ACTG1: variants seen among roughly 807,000 people sequenced by gnomAD.
ACTG1 encodes the protein actin gamma 1.
ACTG1 carries 14 observed loss-of-function variants against 34.3 expected under a neutral mutation model. The ratio of observed to expected loss-of-function variants is 0.41; its 90% CI spans 0.27 to 0.64. The LOEUF (loss-of-function observed/expected upper bound fraction) is 0.64, where lower values mean the gene tolerates loss of function less well. Among genes scored for constraint, ACTG1 ranks in the 30% least tolerant of loss-of-function variants. The probability of loss-of-function intolerance (pLI) is 0.33; values close to 1 mark genes in which losing one functional copy is unlikely to be tolerated. For synonymous variants in ACTG1, 422 were observed against 213.9 expected (o/e 1.97, Z -8.49); for missense variants, 233 against 529.5 (o/e 0.44, Z 5.50).
rs2031693942 is a variant in ACTG1 at position 81,510,520 on chromosome 17, A to C, written c.*170T>G. On this transcript the variant is annotated 3_prime_UTR_variant, in exon 6 of 6. Coordinates refer to ENST00000573283, the MANE Select transcript of ACTG1 (RefSeq NM_001614.5). Reference sequence around the variant, plus strand: ...CTTCAATACAAGGTCAAAATCAGCAACAAGTTCTACAATCCAGTGCTGATA... The same window carrying C: ...CTTCAATACAAGGTCAAAATCAGCACCAAGTTCTACAATCCAGTGCTGATA... 2 of 875,734 alleles carry C rather than the reference A, an allele frequency of 2.3e-6. No individual in the cohort carries two copies. Among genetic ancestry groups the C allele is most frequent in the African/African-American group, 3.3e-5 (2 of 60,148 alleles). 54.2% of individuals were successfully genotyped at this position (875,734 alleles called of 1,614,324 possible).
chr17:81,512,161 C>T lies in ACTG1; in HGVS notation c.124-19G>A, dbSNP rs2031841949. The T allele has an allele frequency of 1.9e-6, 3 of 1,613,238 alleles. No homozygotes were observed. Among genetic ancestry groups the T allele is most frequent in the East Asian group, 2.2e-5 (1 of 44,884 alleles). On this transcript the variant is annotated intron_variant, in intron 2 of 5. Coordinates refer to ENST00000573283, the MANE Select transcript of ACTG1 (RefSeq NM_001614.5). ...TGACGCCCTGCAGGGGACGACCCGT[C>T]AGCCTCGCCGGCGACACCGAACCCA...
rs782392709 is a variant in ACTG1, at chr17:81,511,793, AG to A, written c.363+109del. 2.0e-5 allele frequency: 32 copies of A among 1,578,566 alleles called. No individual in the cohort carries two copies. In the African/African-American group the frequency reaches 4.1e-4, roughly 20 times the overall value. ...GGCTTCAGGGAGGAAATGCCGGGAG[AG>A]GAACAGAGCCTGGAACAGCGAAAGA... On this transcript the variant is annotated intron_variant, in intron 3 of 5. Coordinates refer to ENST00000573283, the MANE Select transcript of ACTG1 (RefSeq NM_001614.5).
In ACTG1 at chr17:81,511,468, G is replaced by A. The variant is rs1167744100; in HGVS notation, c.522C>T (p.Ala174=). The A allele has an allele frequency of 2.5e-6, 4 of 1,613,826 alleles. No individual in the cohort carries two copies. The highest frequency in any genetic ancestry group is 3.4e-6 in the Non-Finnish European group (4 of 1,180,060). The change falls in exon 4 of 6, where the codon GCC becomes GCT. Residue 174 remains alanine, a synonymous_variant. Coordinates refer to ENST00000573283, the MANE Select transcript of ACTG1 (RefSeq NM_001614.5). ...PIYEGYALPH[A]ILRLDLAGRD... ...GGCCAGCCAGGTCCAGACGCAGGAT[G>A]GCGTGGGGGAGGGCGTAGCCCTCGT...
Position 81,511,184 on chromosome 17 carries a change from C to G in ACTG1, c.802+4G>C. 6.2e-7 allele frequency: 1 copy of G among 1,613,696 alleles called. No homozygotes were observed. Among genetic ancestry groups the G allele is most frequent in the Non-Finnish European group, 8.5e-7 (1 of 1,180,030 alleles). ...AGTAGAAACCTTTAGCTCACAACAC[C>G]TACCCAGGAAGGAAGGCTGGAACAG... is the stretch of plus-strand genomic sequence containing the variant. On this transcript the variant is annotated splice_donor_region_variant and intron_variant, in intron 4 of 5. Transcript: ENST00000573283.
At chr17:81,511,156 AAGAG>A in intron 4 of ACTG1, 28 bp downstream of exon 4, 1 of 1,613,722 alleles carries the variant, frequency 6.2e-7, no homozygotes, top group Non-Finnish European at 8.5e-7. Context: ...CCGAGGATGT[AAGAG>A]TAGAAACCTT....
rs782554514 is a variant in ACTG1 at position 81,512,776 on chromosome 17, C to G, written c.-49G>C. Reference sequence around the variant, plus strand: ...GGCGGAGCGGCGGAAGAACAGAGTGCGAGAGCTGGCAGCGGCGACTGAGAC... The same window carrying G: ...GGCGGAGCGGCGGAAGAACAGAGTGGGAGAGCTGGCAGCGGCGACTGAGAC... On this transcript the variant is annotated 5_prime_UTR_variant, in exon 1 of 6. Coordinates refer to ENST00000573283, the MANE Select transcript of ACTG1 (RefSeq NM_001614.5). 1.9e-5 allele frequency: 8 copies of G among 416,674 alleles called. No individual in the cohort carries two copies. Among genetic ancestry groups the G allele is most frequent in the South Asian group, 1.2e-4 (7 of 59,818 alleles). 25.8% of individuals were successfully genotyped at this position (416,674 alleles called of 1,614,324 possible). A position where few individuals can be genotyped will look rare whatever the true frequency, so the allele number is the denominator to read the frequency against.
Position 81,510,239 on chromosome 17 carries a change from T to C in ACTG1, c.*451A>G, listed in dbSNP as rs1598545278. 2 of 536,174 alleles carry C rather than the reference T, an allele frequency of 3.7e-6. No homozygotes were observed. Among genetic ancestry groups the C allele is most frequent in the Non-Finnish European group, 6.5e-6 (2 of 306,094 alleles). 33.2% of individuals were successfully genotyped at this position (536,174 alleles called of 1,614,324 possible). A position where few individuals can be genotyped will look rare whatever the true frequency, so the allele number is the denominator to read the frequency against. ...AAACTGGGTCCTACGGCTTGGACTT[T>C]CCAACCCTGACAGACCCGCAAGACA... On this transcript the variant is annotated 3_prime_UTR_variant, in exon 6 of 6. Transcript: ENST00000573283.
rs1555666309 is a variant in ACTG1, at chr17:81,510,648, A to T, written c.*42T>A. 1.2e-6 allele frequency: 2 copies of T among 1,612,550 alleles called. No individual in the cohort carries two copies. The highest frequency in any genetic ancestry group is 1.7e-6 in the Non-Finnish European group (2 of 1,179,666). On this transcript the variant is annotated 3_prime_UTR_variant, in exon 6 of 6. Transcript: ENST00000573283. ...TTGCCAGGGGCAAATTTCTATTCTC[A>T]ATTAACCCATGCAGCAAATGCTACG...
rs782306291 is a variant in ACTG1, at chr17:81,512,300, C to T, written c.55G>A (p.Ala19Thr). The part of the protein sequence containing the change: ...VIDNGSGMCK[A>T]GFAGDDAPRA... Reference sequence around the variant, plus strand: ...GGAGCGTCGTCCCCAGCAAAACCAGCTTTGCACATGCCGGAGCCATTGTCA... The same window carrying T: ...GGAGCGTCGTCCCCAGCAAAACCAGTTTTGCACATGCCGGAGCCATTGTCA... The change falls in exon 2 of 6, where the codon GCT becomes ACT. Residue 19 changes from alanine (A) to threonine (T), a missense_variant. Coordinates refer to ENST00000573283, the MANE Select transcript of ACTG1 (RefSeq NM_001614.5). The T allele has an allele frequency of 1.9e-6, 3 of 1,613,964 alleles. No homozygotes were observed. Among genetic ancestry groups the T allele is most frequent in the Non-Finnish European group, 1.7e-6 (2 of 1,179,972 alleles).
In ACTG1 at chr17:81,512,136, T is replaced by A; in HGVS notation, c.130A>T (p.Met44Leu). ...IVGRPRHQGV[M>L]VGMGQKDSYV... ...GAGTCCTTCTGGCCCATGCCCACCA[T>A]GACGCCCTGCAGGGGACGACCCGTC... The change falls in exon 3 of 6, where the codon ATG (methionine) becomes TTG (leucine). Residue 44 changes from methionine to leucine, a missense_variant. Transcript: ENST00000573283. 1 of 1,613,628 alleles carries A rather than the reference T, an allele frequency of 6.2e-7. No individual in the cohort carries two copies.
chr17:81,511,629 G>A lies in ACTG1; in HGVS notation c.364-3C>T. On this transcript the variant is annotated splice_region_variant and splice_polypyrimidine_tract_variant and intron_variant, in intron 3 of 5. Transcript: ENST00000573283. Reference sequence around the variant, plus strand: ...GTGTTGAAGGTCTCAAACATAATCTGAGAAGGGACAAGGGGCGGCTTAGTC... The same window carrying A: ...GTGTTGAAGGTCTCAAACATAATCTAAGAAGGGACAAGGGGCGGCTTAGTC... 1.2e-6 allele frequency: 2 copies of A among 1,612,798 alleles called. No individual in the cohort carries two copies. The highest frequency in any genetic ancestry group is 2.2e-5 in the East Asian group (1 of 44,884).
intron 1 of ACTG1, 126 bp from the exon 2 acceptor site, chr17:81,512,486 A>T: frequency 6.7e-7 from 1 of 1,500,814 alleles, no homozygotes; most frequent in Non-Finnish European, 9.2e-7. Flanking sequence ...GGCCTCCAAG[A>T]TCGCAACCGC....
At position 81,512,366 on chromosome 17, in the gene ACTG1, C is replaced by T. The variant is rs782314542; in HGVS notation, c.-6-6G>A. The T allele has an allele frequency of 6.2e-7, 1 of 1,613,918 alleles. No individual in the cohort carries two copies. Among genetic ancestry groups the T allele is most frequent in the Non-Finnish European group, 8.5e-7 (1 of 1,179,934 alleles). The stretch of plus-strand genomic sequence containing the variant: ...ATCTCTTCTTCCATTGCGACCTGCC[C>T]GGAAAAGGATGGACTCAGGCGGGCG... On this transcript the variant is annotated splice_region_variant and splice_polypyrimidine_tract_variant and intron_variant, in intron 1 of 5. Coordinates refer to ENST00000573283, the MANE Select transcript of ACTG1 (RefSeq NM_001614.5).
Position 81,510,564 on chromosome 17 carries a change from G to C in ACTG1, c.*126C>G, listed in dbSNP as rs140458109. The C allele has an allele frequency of 5.1e-4, 642 of 1,248,532 alleles. 4 individuals are homozygous for C. In the African/African-American group the frequency reaches 8.6e-3, roughly 17 times the overall value. The allele number at this position is 1,248,532 out of a possible 1,614,324, so 77.3% of individuals were successfully genotyped here. ...GCTGATATCAGATACAAGCTTCAAG[G>C]ACAATTTCTTTTCGAAGGCTTATTC... On this transcript the variant is annotated 3_prime_UTR_variant, in exon 6 of 6. Coordinates refer to ENST00000573283, the MANE Select transcript of ACTG1 (RefSeq NM_001614.5).
chr17:81,511,195 G>C lies in ACTG1; in HGVS notation c.795C>G (p.Ser265=), dbSNP rs146493032. 6.2e-7 allele frequency: 1 copy of C among 1,613,736 alleles called. No homozygotes were observed. Among genetic ancestry groups the C allele is most frequent in the Admixed American group, 1.7e-5 (1 of 60,034 alleles). ...FRCPEALFQP[S]FLGMESCGIH... ...TTAGCTCACAACACCTACCCAGGAA[G>C]GAAGGCTGGAACAGCGCCTCCGGAC... The change falls in exon 4 of 6, where the codon TCC becomes TCG. Residue 265 remains serine (S), a synonymous_variant. Coordinates refer to ENST00000573283, the MANE Select transcript of ACTG1 (RefSeq NM_001614.5).
chr17:81,512,523 GT>G (rs1474436786), intron 1 of ACTG1, 163 bp from the exon 2 acceptor site: 2 of 1,183,578 alleles, frequency 1.7e-6, no homozygotes, highest in Non-Finnish European at 2.4e-6. Flanking sequence ...GGCCTTTTAC[GT>G]AACGTCCACG....
Position 81,512,537 on chromosome 17 carries a change from T to TCC in ACTG1, c.-6-178_-6-177insGG, listed in dbSNP as rs1353337632. 9.8e-5 allele frequency: 104 copies of TCC among 1,059,034 alleles called. No homozygotes were observed. In the African/African-American group the frequency reaches 1.5e-3, roughly 15 times the overall value. The allele number at this position is 1,059,034 out of a possible 1,614,324, so 65.6% of individuals were successfully genotyped here. A position where few individuals can be genotyped will look rare whatever the true frequency, so the allele number is the denominator to read the frequency against. ...GGGCCTTTTACGTAACGTCCACGGC[T>TCC]CGGAAGTCTGCACTGCGGCCGGGCC... On this transcript the variant is annotated intron_variant, in intron 1 of 5. Coordinates refer to ENST00000573283, the MANE Select transcript of ACTG1 (RefSeq NM_001614.5).
In ACTG1 at chr17:81,510,562, A is replaced by C. The variant is rs550105066; in HGVS notation, c.*128T>G. On this transcript the variant is annotated 3_prime_UTR_variant, in exon 6 of 6. Transcript: ENST00000573283. The stretch of plus-strand genomic sequence containing the variant: ...GTGCTGATATCAGATACAAGCTTCA[A>C]GGACAATTTCTTTTCGAAGGCTTAT... 2.6e-4 allele frequency: 318 copies of C among 1,230,800 alleles called. 2 individuals are homozygous for C. The South Asian group carries it at 2.7e-3, about 11-fold the overall frequency. The allele number at this position is 1,230,800 out of a possible 1,614,324, so 76.2% of individuals were successfully genotyped here.
chr17:81,510,431 GTAC>G lies in ACTG1; in HGVS notation c.*256_*258del, dbSNP rs1258153974. The G allele has an allele frequency of 3.3e-6, 2 of 598,602 alleles. No homozygotes were observed. Among genetic ancestry groups the G allele is most frequent in the Admixed American group, 2.2e-5 (1 of 45,178 alleles). 37.1% of individuals were successfully genotyped at this position (598,602 alleles called of 1,614,324 possible). A position where few individuals can be genotyped will look rare whatever the true frequency, so the allele number is the denominator to read the frequency against. On this transcript the variant is annotated 3_prime_UTR_variant, in exon 6 of 6. Coordinates refer to ENST00000573283, the MANE Select transcript of ACTG1 (RefSeq NM_001614.5). ...TAGCCACGAAGTGACCAAGCCACACGTACTAAAGGTTGAACTCAAAGATATGTA... is the reference window on the plus strand; with the variant it reads ...TAGCCACGAAGTGACCAAGCCACACGTAAAGGTTGAACTCAAAGATATGTA...
Sources: gnomAD v4.1 joint callset for allele counts on GRCh38, gnomAD v4.1.1 for gene constraint, MANE v1.5 for transcripts, NCBI Gene and HGNC (gene_info 2026-07-23, HGNC 2026-07-21) for gene names.